Variants in ABL1 observed in about 807,000 individuals in gnomAD.
The protein encoded by ABL1 is tyrosine-protein kinase ABL1.
In ABL1, 11 loss-of-function variants were observed where a neutral mutation model predicts 94.7. The observed-to-expected ratio is 0.12, with a 90% CI of 0.07 to 0.19. The LOEUF is 0.19. Among genes scored for constraint, ABL1 ranks in the 10% least tolerant of loss-of-function variants. The probability of loss-of-function intolerance (pLI) is 1.00; values close to 1 mark genes in which losing one functional copy is unlikely to be tolerated. For missense variants in ABL1, 1,082 were observed against 1,489.4 expected, an observed-to-expected ratio of 0.73 and a Z score of 4.50; for synonymous variants, 656 against 622.4, an observed-to-expected ratio of 1.05 and a Z score of -0.80.
At chr9:130,777,615 C>T (rs111780633) in intron 1 of ABL1, among the ~76,000 whole-genome samples, 1 of 82,330 alleles carries the variant, frequency 1.2e-5, no homozygotes, top group Admixed American at 1.1e-4. Context: ...TGTGTTGGGA[C>T]GCTGACACAC....
intron 8 of ABL1, 85 bp from the exon 9 acceptor site, chr9:130,879,983 A>G: frequency 7.7e-7 from 1 of 1,292,438 alleles, no homozygotes; most frequent in Non-Finnish European, 1.1e-6. Context: ...TGTTGCTTTC[A>G]TTCTAGACTT....
chr9:130,833,651 G>A (rs1830521072), upstream of ABL1, among the ~76,000 whole-genome samples: 1 of 152,164 alleles, frequency 6.6e-6, no homozygotes, highest in African/African-American at 2.4e-5. Context: ...TCCATTCAAT[G>A]GCAGTAAAAA....
intron 1 of ABL1, among the ~76,000 whole-genome samples, chr9:130,785,644 C>T (rs1031053269): frequency 4.0e-5 from 6 of 151,836 alleles, no homozygotes; most frequent in South Asian, 2.1e-4. Flanking sequence ...AAATCTCGGC[C>T]GGGCGTGGTG....
rs75185845 is a variant in ABL1, at chr9:130,845,788, T to C, written c.80-8276T>C. Reference sequence around the variant, plus strand: ...CTGTTTCAAAAAGTCTTTTGAGGACTGTTCTCCTTTGCAATCCTCTGTAAA... The same window carrying C: ...CTGTTTCAAAAAGTCTTTTGAGGACCGTTCTCCTTTGCAATCCTCTGTAAA... On this transcript the variant is annotated intron_variant, in intron 1 of 10. Transcript: ENST00000318560. Among the ~76,000 whole-genome samples, 1,097 of 152,228 alleles carry C rather than the reference T, an allele frequency of 7.2e-3. 11 individuals carry two copies. The highest frequency in any genetic ancestry group is 0.024 in the African/African-American group (1,012 of 41,506).
chr9:130,880,717 C>T lies in ABL1; in HGVS notation c.1678+53C>T. 6.3e-7 allele frequency: 1 copy of T among 1,593,440 alleles called. No homozygotes were observed. On this transcript the variant is annotated intron_variant, in intron 10 of 10. Coordinates refer to ENST00000318560, the MANE Select transcript of ABL1 (RefSeq NM_005157.6). The surrounding 1 kb of genome is among the most constrained non-coding windows in gnomAD (Gnocchi z 4.4). ...CTGCTCTTCCCTTCCCTGCCAGAGG[C>T]TACATTCAGGCCATCATAGGCCAAC...
At position 130,796,920 on chromosome 9, in the gene ABL1, C is replaced by T. The variant is rs1451882624; in HGVS notation, c.137-57144C>T. On this transcript the variant is annotated intron_variant, in intron 1 of 10. Transcript: ENST00000372348. ...GGGCAACAAGAGCGAAACTTCATCT[C>T]AAAAAAAAAAAAAAAAAAAAAGGCA... 4.1e-4 allele frequency among the ~76,000 whole-genome samples: 25 copies of T among 60,758 alleles called. 1 individual carries two copies. 39.9% of individuals were successfully genotyped at this position (60,758 alleles called of 152,430 possible).
intron 1 of ABL1, among the ~76,000 whole-genome samples, chr9:130,773,252 G>A (rs184800516): frequency 1.3e-5 from 2 of 152,298 alleles, no homozygotes; most frequent in African/African-American, 4.8e-5. Flanking sequence ...CTGGGAAGTG[G>A]AGGTTGCAGT....
At position 130,814,666 on chromosome 9, in the gene ABL1, A is replaced by G. The variant is rs1830259036; in HGVS notation, c.137-39398A>G. Among the ~76,000 whole-genome samples the G allele has an allele frequency of 6.6e-6, 1 of 151,876 alleles. No individual in the cohort carries two copies. Among genetic ancestry groups the G allele is most frequent in the Non-Finnish European group, 1.5e-5 (1 of 67,964 alleles). On this transcript the variant is annotated intron_variant, in intron 1 of 10. Transcript: ENST00000372348. The surrounding 1 kb of genome is among the most constrained non-coding windows in gnomAD (Gnocchi z 4.4). Reference sequence around the variant, plus strand: ...GCCGAGGTGGGCGGATCACGAGGTCAGGAGACCGAGACCATCCTTGCTAAC... The same window carrying G: ...GCCGAGGTGGGCGGATCACGAGGTCGGGAGACCGAGACCATCCTTGCTAAC...
chr9:130,883,542 G>A (rs1053809832), intron 10 of ABL1, among the ~76,000 whole-genome samples: 15 of 150,368 alleles, frequency 1.0e-4, no homozygotes, highest in South Asian at 2.1e-4. Flanking sequence ...TTTCCCTGAA[G>A]ATGGGAACAA....
At chr9:130,748,948 T>G (rs1831921610) in intron 1 of ABL1, among the ~76,000 whole-genome samples, 1 of 152,174 alleles carries the variant, frequency 6.6e-6, no homozygotes, top group Non-Finnish European at 1.5e-5. Flanking sequence ...TCTTTTTAAA[T>G]GAAAAATTTG....
intron 1 of ABL1, among the ~76,000 whole-genome samples, chr9:130,829,332 G>A (rs1037807902): frequency 5.3e-5 from 8 of 152,068 alleles, no homozygotes; most frequent in South Asian, 4.1e-4. Context: ...AGGCCGAGGC[G>A]GGCAGATCAC....
chr9:130,774,552 G>T (rs571281737), intron 1 of ABL1, among the ~76,000 whole-genome samples: 1 of 152,042 alleles, frequency 6.6e-6, no homozygotes, highest in Non-Finnish European at 1.5e-5. Flanking sequence ...TGCCAGGCAC[G>T]GTGGCTCATG....
At chr9:130,804,218 G>A (rs959296343) in intron 1 of ABL1, among the ~76,000 whole-genome samples, 3 of 152,062 alleles carry the variant, frequency 2.0e-5, no homozygotes, top group African/African-American at 7.2e-5. Flanking sequence ...AATTAGCAGG[G>A]CGTGGTGGTG....
At chr9:130,718,282 C>T (rs1588208779) in intron 1 of ABL1, among the ~76,000 whole-genome samples, 1 of 140,148 alleles carries the variant, frequency 7.1e-6, no homozygotes, top group Non-Finnish European at 1.5e-5. Context: ...CGCACCACTG[C>T]ACTTCAGCCT....
chr9:130,830,821 G>T (rs996922606), upstream of ABL1, among the ~76,000 whole-genome samples: 3 of 152,118 alleles, frequency 2.0e-5, no homozygotes, highest in Admixed American at 2.0e-4. Flanking sequence ...TGAGAAAATT[G>T]AGGCTCTGAG....
chr9:130,845,222 A>C (rs945896838), intron 1 of ABL1, among the ~76,000 whole-genome samples: 2 of 152,386 alleles, frequency 1.3e-5, no homozygotes, highest in Middle Eastern at 3.4e-3. Flanking sequence ...TTATTTAATT[A>C]GTCCAAGGTT....
rs1236085251 is a variant in ABL1, at chr9:130,790,370, TC to T, written c.137-63693del. 2.0e-5 allele frequency among the ~76,000 whole-genome samples: 3 copies of T among 152,352 alleles called. No individual in the cohort carries two copies. In the East Asian group the frequency reaches 5.8e-4, roughly 29 times the overall value. ...ATGTGTACATACTTCAGCCTGCATA[TC>T]TAAGCTGTGTTCACGCTCCTCACAA... On this transcript the variant is annotated intron_variant, in intron 1 of 10. Transcript: ENST00000372348.
intron 1 of ABL1, among the ~76,000 whole-genome samples, chr9:130,761,768 T>G (rs1346585118): frequency 3.9e-5 from 6 of 152,054 alleles, no homozygotes; most frequent in Non-Finnish European, 8.8e-5. Flanking sequence ...AAGTTACAGG[T>G]TTTTTTTCTC....
intron 1 of ABL1, among the ~76,000 whole-genome samples, chr9:130,793,593 T>C (rs1368602705): frequency 6.6e-6 from 1 of 152,192 alleles, no homozygotes; most frequent in East Asian, 1.9e-4. Context: ...TTGACTGCAA[T>C]TTTAGTACTG....
Sources: allele counts gnomAD v4.1 joint callset (sites outside exome capture counted in the v4.1 genomes callset), GRCh38; gene constraint gnomAD v4.1.1; non-coding constraint Gnocchi (gnomAD v3.1); transcripts MANE v1.5; gene names NCBI Gene and HGNC (gene_info 2026-07-23, HGNC 2026-07-21).